Variants in NPTXR observed in about 807,000 individuals in gnomAD.
The protein encoded by NPTXR is neuronal pentraxin receptor.
Under a neutral mutation model 32.2 loss-of-function variants are expected in NPTXR, and 12 were observed. The observed-to-expected ratio is 0.37, with a 90% CI of 0.24 to 0.60. The LOEUF is 0.60. Among genes scored for constraint, NPTXR ranks in the 20% least tolerant of loss-of-function variants. NPTXR has a pLI of 0.66. For synonymous variants in NPTXR, 323 were observed against 315.8 expected, an observed-to-expected ratio of 1.02 and a Z score of -0.24; for missense variants, 612 against 682.9, an observed-to-expected ratio of 0.90 and a Z score of 1.16.
At chr22:38,830,245 A>G (rs1164050154) in intron 1 of NPTXR, among the ~76,000 whole-genome samples, 1 of 152,124 alleles carries the variant, frequency 6.6e-6, no homozygotes, top group African/African-American at 2.4e-5. Flanking sequence ...CCCCTTCTAT[A>G]AGATGGAGAC....
intron 3 of NPTXR, among the ~76,000 whole-genome samples, chr22:38,825,018 G>T (rs187708342): frequency 1.3e-5 from 2 of 152,208 alleles, no homozygotes; most frequent in African/African-American, 4.8e-5. Context: ...TTTCCAGGGG[G>T]GTCTCAATAG....
intron 2 of NPTXR, 79 bp downstream of exon 2, chr22:38,828,208 G>A (rs1328894651): frequency 6.1e-6 from 7 of 1,143,792 alleles, no homozygotes; most frequent in Middle Eastern, 2.0e-4. Flanking sequence ...TTAGCCTCCG[G>A]GGAGCATGGA....
At chr22:38,823,687 C>T (rs1441867364) in intron 3 of NPTXR, among the ~76,000 whole-genome samples, 1 of 152,224 alleles carries the variant, frequency 6.6e-6, no homozygotes, top group East Asian at 1.9e-4. Flanking sequence ...GCTCTGCCAC[C>T]AACCCCTGTG....
At chr22:38,828,160 G>A in intron 2 of NPTXR, 127 bp downstream of exon 2, 1 of 708,214 alleles carries the variant, frequency 1.4e-6, no homozygotes, top group Non-Finnish European at 2.5e-6. Flanking sequence ...TCCACTGTGT[G>A]TTCCACAGCC....
chr22:38,834,597 C>A lies in NPTXR; in HGVS notation c.625-6085G>T, dbSNP rs1429050672. Among the ~76,000 whole-genome samples the A allele has an allele frequency of 7.8e-6, 1 of 128,660 alleles. No individual in the cohort carries two copies. The highest frequency in any genetic ancestry group is 2.9e-5 in the African/African-American group (1 of 33,948). The allele number at this position is 128,660 out of a possible 152,430, so 84.4% of individuals were successfully genotyped here. ...AGCACTCATCCATCCATCCATCCAT[C>A]CATCATCCATCCATCCATCCATCCA... On this transcript the variant is annotated intron_variant, in intron 1 of 4. Coordinates refer to ENST00000333039, the MANE Select transcript of NPTXR (RefSeq NM_014293.4). This position sits in a 1 kb window ranked among gnomAD's most constrained non-coding sequence, Gnocchi z 4.4.
At chr22:38,838,490 T>C (rs1377443684) in intron 1 of NPTXR, among the ~76,000 whole-genome samples, 1 of 151,674 alleles carries the variant, frequency 6.6e-6, no homozygotes, top group African/African-American at 2.4e-5. Context: ...CCTTGAGGAC[T>C]GGCCTTCACC....
At chr22:38,829,281 T>C (rs1212666703) in intron 1 of NPTXR, among the ~76,000 whole-genome samples, 1 of 152,176 alleles carries the variant, frequency 6.6e-6, no homozygotes, top group South Asian at 2.1e-4. Flanking sequence ...GGGTAGGCTC[T>C]GACATCCCCC....
chr22:38,826,458 G>A (rs1465671369), intron 3 of NPTXR, 42 bp downstream of exon 3: 1 of 1,568,654 alleles, frequency 6.4e-7, no homozygotes, highest in East Asian at 2.2e-5. Context: ...TTCTGGAAGG[G>A]TGGCCCTCCC....
intron 1 of NPTXR, among the ~76,000 whole-genome samples, chr22:38,836,305 T>A (rs1231464264): frequency 6.6e-6 from 1 of 152,106 alleles, no homozygotes; most frequent in African/African-American, 2.4e-5. Context: ...CCAACAGATA[T>A]CCCAAGAATG....
At position 38,819,832 on chromosome 22, in the gene NPTXR, A is replaced by ATT. The variant is rs1169414879; in HGVS notation, c.*2776_*2777insAA. On this transcript the variant is annotated 3_prime_UTR_variant, in exon 5 of 5. Transcript: ENST00000333039. ...GATGTGCTCAGGGGCAGCAGAAGAT[A>ATT]GGAAAAGCGGGACCCAAACAGTGGT... The ATT allele has an allele frequency of 6.5e-6, 1 of 152,690 alleles. No homozygotes were observed. Among genetic ancestry groups the ATT allele is most frequent in the Non-Finnish European group, 1.5e-5 (1 of 68,092 alleles). The allele number at this position is 152,690 out of a possible 1,614,324, so 9.5% of individuals were successfully genotyped here.
chr22:38,826,573 A>G lies in NPTXR; in HGVS notation c.1025T>C (p.Val342Ala). 1.2e-6 allele frequency: 2 copies of G among 1,614,178 alleles called. No homozygotes were observed. Among genetic ancestry groups the G allele is most frequent in the African/African-American group, 1.3e-5 (1 of 75,058 alleles). Residue 342 changes from valine to alanine, a missense_variant, in exon 3 of 5, where the codon GTG becomes GCG. Val to Ala is a moderately conservative substitution (Grantham distance 64). Coordinates refer to ENST00000333039, the MANE Select transcript of NPTXR (RefSeq NM_014293.4). Reference sequence around the variant, plus strand: ...TACAATCTCGTTGGCCTGCCCGGGCACTGAGTAGGAGAAGGGGGTGCCCTG... The same window carrying G: ...TACAATCTCGTTGGCCTGCCCGGGCGCTGAGTAGGAGAAGGGGGTGCCCTG...
intron 1 of NPTXR, among the ~76,000 whole-genome samples, chr22:38,831,640 G>T (rs2093116400): frequency 6.6e-6 from 1 of 152,118 alleles, no homozygotes; most frequent in African/African-American, 2.4e-5. Flanking sequence ...CTTCCAGGAA[G>T]CCTTGGACTG....
chr22:38,843,343 G>A lies in NPTXR; in HGVS notation c.516C>T (p.Ala172=), dbSNP rs2093134539. ...CGGCCATGGTGTCGCGGCGGGGCCC[G>A]GCGCCCTGGAGGCCGCGCGGCAGGC... Residue 172 remains alanine, a synonymous_variant, in exon 1 of 5, where the codon GCC becomes GCT. Transcript: ENST00000333039. This position sits in a 1 kb window ranked among gnomAD's most constrained non-coding sequence, Gnocchi z 5.3. The A allele has an allele frequency of 2.1e-6, 3 of 1,412,294 alleles. No individual in the cohort carries two copies. Among genetic ancestry groups the A allele is most frequent in the African/African-American group, 1.5e-5 (1 of 66,060 alleles). 87.5% of individuals were successfully genotyped at this position (1,412,294 alleles called of 1,614,324 possible).
chr22:38,826,004 G>A (rs911995617), intron 3 of NPTXR, among the ~76,000 whole-genome samples: 4 of 152,064 alleles, frequency 2.6e-5, no homozygotes, highest in South Asian at 2.1e-4. Context: ...CACCACACCC[G>A]GCTAATTTTT....
chr22:38,825,435 G>C (rs1026190075), intron 3 of NPTXR, among the ~76,000 whole-genome samples: 2 of 152,136 alleles, frequency 1.3e-5, no homozygotes, highest in African/African-American at 4.8e-5. Context: ...AATAATGTGA[G>C]TAAACTGCTT....
At position 38,825,836 on chromosome 22, in the gene NPTXR, CTCTCTT is replaced by C. The variant is rs1321783033; in HGVS notation, c.1098+658_1098+663del. 9.4e-3 allele frequency among the ~76,000 whole-genome samples: 949 copies of C among 100,436 alleles called. 6 individuals are homozygous for C. The highest frequency in any genetic ancestry group is 0.016 in the Middle Eastern group (3 of 186). 65.9% of individuals were successfully genotyped at this position (100,436 alleles called of 152,430 possible). ...AGGTCTGTGCACCTCCCTTCTCTCT[CTCTCTT>C]TTTTTTTTTTTTTTTTTTGACACAG... On this transcript the variant is annotated intron_variant, in intron 3 of 4. Transcript: ENST00000333039.
rs900179589 is a variant in NPTXR, at chr22:38,820,318, C to T, written c.*2291G>A. 6.6e-6 allele frequency: 1 copy of T among 152,650 alleles called. No homozygotes were observed. Among genetic ancestry groups the T allele is most frequent in the African/African-American group, 2.4e-5 (1 of 41,436 alleles). The allele number at this position is 152,650 out of a possible 1,614,324, so 9.5% of individuals were successfully genotyped here. A position where few individuals can be genotyped will look rare whatever the true frequency, so the allele number is the denominator to read the frequency against. On this transcript the variant is annotated 3_prime_UTR_variant, in exon 5 of 5. Transcript: ENST00000333039. ...CTATTTATGTTCTCGAAATGGAAAG[C>T]AGGATCTGGGCGCGGGAGGCAATGC...
At position 38,822,120 on chromosome 22, in the gene NPTXR, A is replaced by C. The variant is rs1263405955; in HGVS notation, c.*489T>G. ...CCCTTGACTGGCAGCTGGTGGAAAGAGGGAGGAGGGTAAGTCTAACCTCTG... is the reference window on the plus strand; with the variant it reads ...CCCTTGACTGGCAGCTGGTGGAAAGCGGGAGGAGGGTAAGTCTAACCTCTG... On this transcript the variant is annotated 3_prime_UTR_variant, in exon 5 of 5. Coordinates refer to ENST00000333039, the MANE Select transcript of NPTXR (RefSeq NM_014293.4). 6.5e-6 allele frequency: 1 copy of C among 154,978 alleles called. No individual in the cohort carries two copies. The highest frequency in any genetic ancestry group is 1.4e-5 in the Non-Finnish European group (1 of 70,482). 9.6% of individuals were successfully genotyped at this position (154,978 alleles called of 1,614,324 possible).
intron 2 of NPTXR, among the ~76,000 whole-genome samples, chr22:38,827,510 A>G (rs907273051): frequency 2.6e-5 from 4 of 152,132 alleles, no homozygotes; most frequent in Non-Finnish European, 5.9e-5. Context: ...TCGGGATAAC[A>G]GGCATGAGCC....
Sources: allele counts gnomAD v4.1 joint callset (sites outside exome capture counted in the v4.1 genomes callset), GRCh38; gene constraint gnomAD v4.1.1; non-coding constraint Gnocchi (gnomAD v3.1); transcripts MANE v1.5; gene names NCBI Gene and HGNC (gene_info 2026-07-23, HGNC 2026-07-21).